The following CCDC172 variants were observed in gnomAD, a reference collection of about 807,000 sequenced individuals.
CCDC172 encodes the protein coiled-coil domain-containing protein 172.
A neutral mutation model predicts 38.0 loss-of-function variants in CCDC172; 30 were observed. The ratio of observed to expected loss-of-function variants is 0.79; its 90% CI spans 0.59 to 1.07. The LOEUF (loss-of-function observed/expected upper bound fraction) is 1.07. Among genes scored for constraint, CCDC172 ranks in the 50% least tolerant of loss-of-function variants. The pLI is 0.00. For missense variants in CCDC172, 297 were observed against 290.1 expected (o/e 1.02, Z -0.17); for synonymous variants, 78 against 88.3 (o/e 0.88, Z 0.66).
intron 7 of CCDC172, among the ~76,000 whole-genome samples, chr10:116,367,679 A>G (rs1280082073): frequency 6.6e-6 from 1 of 152,150 alleles, no homozygotes; most frequent in Non-Finnish European, 1.5e-5. Context: ...AAAAAAAATT[A>G]GAAAATTAAC....
intron 5 of CCDC172, chr10:116,342,429 T>C: frequency 2.6e-6 from 1 of 384,918 alleles, no homozygotes; most frequent in Non-Finnish European, 4.6e-6. Context: ...TAAATAAATA[T>C]CTGTTATGTG....
intron 3 of CCDC172, among the ~76,000 whole-genome samples, chr10:116,328,972 G>A (rs1273165094): frequency 6.6e-6 from 1 of 151,898 alleles, no homozygotes; most frequent in Non-Finnish European, 1.5e-5. Flanking sequence ...TTTATAGTTG[G>A]CAATTATTCA....
intron 6 of CCDC172, 48 bp downstream of exon 6, chr10:116,357,529 T>A: frequency 7.3e-7 from 1 of 1,363,836 alleles, no homozygotes. Flanking sequence ...TATAGTTATA[T>A]ATGCATGATA....
chr10:116,359,032 A>G, intron 7 of CCDC172, among the ~76,000 whole-genome samples: 1 of 152,206 alleles, frequency 6.6e-6, no homozygotes, highest in Non-Finnish European at 1.5e-5. Flanking sequence ...ATACCAGTGC[A>G]TATATTTAGT....
intron 5 of CCDC172, among the ~76,000 whole-genome samples, chr10:116,349,659 G>A (rs1267711368): frequency 1.3e-5 from 2 of 152,170 alleles, no homozygotes; most frequent in Non-Finnish European, 2.9e-5. Context: ...TTTCTGAAAT[G>A]TGCTTAGTTT....
At chr10:116,355,323 T>C (rs1246384757) in intron 5 of CCDC172, among the ~76,000 whole-genome samples, 1 of 152,214 alleles carries the variant, frequency 6.6e-6, no homozygotes, top group East Asian at 1.9e-4. Flanking sequence ...GTGCCTACAG[T>C]GTTCAGTACA....
At chr10:116,328,885 A>G (rs1354900469) in intron 3 of CCDC172, among the ~76,000 whole-genome samples, 4 of 152,144 alleles carry the variant, frequency 2.6e-5, no homozygotes, top group African/African-American at 9.7e-5. Flanking sequence ...TAGTATTGAA[A>G]TGGAGTTTTG....
chr10:116,375,124 T>C (rs1330795964), intron 7 of CCDC172, among the ~76,000 whole-genome samples: 2 of 152,158 alleles, frequency 1.3e-5, no homozygotes. Context: ...GAATAGTCTG[T>C]AGTTTTGTGA....
intron 3 of CCDC172, among the ~76,000 whole-genome samples, chr10:116,327,880 T>C (rs1844610287): frequency 1.3e-5 from 2 of 152,142 alleles, no homozygotes; most frequent in South Asian, 4.1e-4. Flanking sequence ...TTCTTGTTTC[T>C]TTTATTCTGA....
At chr10:116,353,515 A>G (rs1345703807) in intron 5 of CCDC172, among the ~76,000 whole-genome samples, 1 of 152,054 alleles carries the variant, frequency 6.6e-6, no homozygotes, top group Non-Finnish European at 1.5e-5. Flanking sequence ...TATATTAAAA[A>G]CTCTTACAAC....
chr10:116,357,282 A>G (rs1845010067), intron 5 of CCDC172, 98 bp from the exon 6 acceptor site: 1 of 686,376 alleles, frequency 1.5e-6, no homozygotes, highest in African/African-American at 1.9e-5. Context: ...ACTTTCTTTC[A>G]TCTGTGTTTT....
chr10:116,367,621 C>A, intron 7 of CCDC172, among the ~76,000 whole-genome samples: 1 of 151,330 alleles, frequency 6.6e-6, no homozygotes, highest in South Asian at 2.1e-4. Context: ...ACCCAGGAGG[C>A]AGAGCTTGCA....
chr10:116,342,027 G>A lies in CCDC172; in HGVS notation c.283-9G>A. Reference sequence around the variant, plus strand: ...CACCTATATTTGATCTTTTATTTATGTTTTTCAGGAGGCTATAAAGAAACA... The same window carrying A: ...CACCTATATTTGATCTTTTATTTATATTTTTCAGGAGGCTATAAAGAAACA... On this transcript the variant is annotated splice_polypyrimidine_tract_variant and intron_variant, in intron 4 of 8. Transcript: ENST00000333254. 1 of 1,460,434 alleles carries A rather than the reference G, an allele frequency of 6.8e-7. No individual in the cohort carries two copies. The highest frequency in any genetic ancestry group is 9.1e-7 in the Non-Finnish European group (1 of 1,095,606). The allele number at this position is 1,460,434 out of a possible 1,614,324, so 90.5% of individuals were successfully genotyped here.
At chr10:116,339,739 C>T (rs1844770938) in intron 3 of CCDC172, among the ~76,000 whole-genome samples, 2 of 151,840 alleles carry the variant, frequency 1.3e-5, no homozygotes, top group Admixed American at 1.3e-4. Context: ...ATTTCTAGGA[C>T]ATTTTAGCCA....
chr10:116,369,737 G>A (rs1022955843), intron 7 of CCDC172, among the ~76,000 whole-genome samples: 3 of 151,998 alleles, frequency 2.0e-5, no homozygotes, highest in Admixed American at 1.3e-4. Context: ...TGGAGTGGCA[G>A]TGTCAAAGGG....
intron 3 of CCDC172, 48 bp from the exon 4 acceptor site, chr10:116,340,686 A>G (rs1309979434): frequency 1.1e-6 from 1 of 910,994 alleles, no homozygotes; most frequent in Non-Finnish European, 1.8e-6. Flanking sequence ...GTACTCTAAA[A>G]TGTCTAATTA....
chr10:116,336,309 G>A (rs143304563), intron 3 of CCDC172, among the ~76,000 whole-genome samples: 50 of 148,542 alleles, frequency 3.4e-4, no homozygotes, highest in African/African-American at 1.0e-3. Context: ...TGATACATAC[G>A]TAATAATAAT....
chr10:116,361,059 T>C (rs887166547), intron 7 of CCDC172, among the ~76,000 whole-genome samples: 1 of 147,400 alleles, frequency 6.8e-6, no homozygotes, highest in African/African-American at 2.5e-5. Context: ...ATTATTATTA[T>C]TATTATTATT....
At chr10:116,378,391 AAACT>A (rs755624716) in intron 7 of CCDC172, 28 bp from the exon 8 acceptor site, 22 of 1,558,276 alleles carry the variant, frequency 1.4e-5, no homozygotes, top group East Asian at 2.3e-5. Context: ...GTTTATTATT[AAACT>A]AACAGGTGAA....
Sources: allele counts gnomAD v4.1 joint callset (sites outside exome capture counted in the v4.1 genomes callset), GRCh38; gene constraint gnomAD v4.1.1; transcripts MANE v1.5; gene names NCBI Gene and HGNC (gene_info 2026-07-23, HGNC 2026-07-21).